Variants in CCDC74B observed in about 807,000 individuals in gnomAD.
The protein encoded by CCDC74B is coiled-coil domain containing 74B, also known as coiled-coil domain-containing protein 74B.
A neutral mutation model predicts 38.0 loss-of-function variants in CCDC74B; 34 were observed. That is an observed-to-expected ratio of 0.89 (90% CI 0.68 to 1.19). The LOEUF (loss-of-function observed/expected upper bound fraction) is 1.19, where lower values mean the gene tolerates loss of function less well. Ranked by LOEUF, CCDC74B falls within the 50% of genes most tolerant of loss-of-function variation. The probability of loss-of-function intolerance (pLI) is 0.00; values close to 1 mark genes in which losing one functional copy is unlikely to be tolerated. For synonymous variants in CCDC74B, 132 were observed against 170.4 expected, an observed-to-expected ratio of 0.77 and a Z score of 1.76; for missense variants, 358 against 406.0, an observed-to-expected ratio of 0.88 and a Z score of 1.02.
intron 5 of CCDC74B, 22 bp downstream of exon 5, chr2:130,140,157 C>T: frequency 6.2e-7 from 1 of 1,611,824 alleles, no homozygotes; most frequent in African/African-American, 1.3e-5. Context: ...CCCAGGGCCA[C>T]CCCCACCACC....
chr2:130,144,573 T>C lies in CCDC74B; in HGVS notation c.250+174A>G, dbSNP rs567631696. ...CGGCACTGCCCGGGGGCCACGCGGG[T>C]CTCCCTCTGGGAGGAGGGGACAGCT... is the stretch of plus-strand genomic sequence containing the variant. On this transcript the variant is annotated intron_variant, in intron 1 of 7. Coordinates refer to ENST00000409943, the MANE Select transcript of CCDC74B (RefSeq NM_001258307.2). The C allele has an allele frequency of 1.4e-4, 213 of 1,550,076 alleles. 1 individual carries two copies. In the South Asian group the frequency reaches 2.4e-3, roughly 18 times the overall value.
intron 1 of CCDC74B, chr2:130,144,438 C>A (rs1053139586): frequency 1.2e-5 from 15 of 1,300,250 alleles, no homozygotes; most frequent in Non-Finnish European, 1.6e-5. Flanking sequence ...CGCGCCCGGG[C>A]CCCTCTATAA....
At chr2:130,144,682 C>T (rs764682063) in intron 1 of CCDC74B, 65 bp downstream of exon 1, 8 of 1,586,074 alleles carry the variant, frequency 5.0e-6, no homozygotes, top group South Asian at 4.5e-5. Flanking sequence ...TTCTGTGCTG[C>T]GGGAGCGGCA....
At position 130,144,975 on chromosome 2, in the gene CCDC74B, C is replaced by G; in HGVS notation, c.22G>C (p.Ala8Pro). Reference sequence around the variant, plus strand: ...GGCGAGCTGGGGGGCCGCGTCCCAGCCGCCACCCCCGCACCGCTCATATCG... The same window carrying G: ...GGCGAGCTGGGGGGCCGCGTCCCAGGCGCCACCCCCGCACCGCTCATATCG... Reference protein sequence around the residue: MSGAGVAAGTRPPSSPTP... With the variant: MSGAGVAPGTRPPSSPTP... The change falls in exon 1 of 8, where the codon GCT becomes CCT. Residue 8 changes from alanine to proline, a missense_variant. Coordinates refer to ENST00000409943, the MANE Select transcript of CCDC74B (RefSeq NM_001258307.2). 6.8e-7 allele frequency: 1 copy of G among 1,472,726 alleles called. No individual in the cohort carries two copies. The allele number at this position is 1,472,726 out of a possible 1,614,324, so 91.2% of individuals were successfully genotyped here.
intron 2 of CCDC74B, 22 bp downstream of exon 2, chr2:130,143,247 A>T (rs757097202): frequency 1.2e-6 from 2 of 1,611,080 alleles, no homozygotes; most frequent in Non-Finnish European, 1.7e-6. Flanking sequence ...TCCCATCAGG[A>T]ACTGAAGGGC....
At chr2:130,141,964 C>T in intron 3 of CCDC74B, 169 bp downstream of exon 3, 2 of 748,724 alleles carry the variant, frequency 2.7e-6, no homozygotes, top group South Asian at 1.8e-5. Context: ...CCCCTTAATC[C>T]CCTCCCGGTG....
At chr2:130,139,990 C>T (rs763580990) in intron 6 of CCDC74B, 33 bp downstream of exon 6, 2 of 1,600,676 alleles carry the variant, frequency 1.2e-6, no homozygotes, top group Admixed American at 3.4e-5. Flanking sequence ...GATAGGCCCC[C>T]AGGGATGGGG....
intron 1 of CCDC74B, among the ~76,000 whole-genome samples, chr2:130,144,053 T>G (rs1433119877): frequency 2.6e-5 from 4 of 151,922 alleles, no homozygotes. Flanking sequence ...GAATGCCTGC[T>G]CCTGATCCGA....
Position 130,139,416 on chromosome 2 carries a change from A to G in CCDC74B, c.*139T>C. On this transcript the variant is annotated 3_prime_UTR_variant, in exon 8 of 8. Coordinates refer to ENST00000409943, the MANE Select transcript of CCDC74B (RefSeq NM_001258307.2). ...TAAACAGTTTGTCAGTTTGGAGATC[A>G]AGTACTTTATCTATCTTGAGTGTTA... 2 of 1,103,954 alleles carry G rather than the reference A, an allele frequency of 1.8e-6. No homozygotes were observed. The highest frequency in any genetic ancestry group is 2.5e-6 in the Non-Finnish European group (2 of 785,466). The allele number at this position is 1,103,954 out of a possible 1,614,324, so 68.4% of individuals were successfully genotyped here.
chr2:130,142,696 G>A, intron 2 of CCDC74B: 1 of 1,545,610 alleles, frequency 6.5e-7, no homozygotes, highest in Non-Finnish European at 8.7e-7. Flanking sequence ...CGGGAAGTGA[G>A]CTCGAGACCA....
intron 1 of CCDC74B, among the ~76,000 whole-genome samples, chr2:130,143,555 A>G (rs1274245615): frequency 2.6e-5 from 4 of 152,134 alleles, no homozygotes; most frequent in African/African-American, 4.8e-5. Flanking sequence ...TCCATCTGAG[A>G]TGACTGGAGG....
intron 1 of CCDC74B, chr2:130,144,226 G>A (rs561988381): frequency 4.6e-5 from 17 of 367,702 alleles, no homozygotes; most frequent in South Asian, 3.1e-4. Flanking sequence ...TGCAAGCTCC[G>A]CCTCCCGGGT....
At chr2:130,143,028 C>T (rs967308907) in intron 2 of CCDC74B, 25 of 1,492,964 alleles carry the variant, frequency 1.7e-5, no homozygotes, top group African/African-American at 4.2e-5. Flanking sequence ...ACCCTGTGCC[C>T]ACCTCCCCAC....
Position 130,139,884 on chromosome 2 carries a change from G to A in CCDC74B, c.809+7C>T. The A allele has an allele frequency of 6.2e-7, 1 of 1,610,774 alleles. No homozygotes were observed. Among genetic ancestry groups the A allele is most frequent in the African/African-American group, 1.3e-5 (1 of 75,002 alleles). ...TGCCCCACTGTCCCCATGCCTGTGG[G>A]ACTTACCATTTCTTGGAGAGGCTCT... On this transcript the variant is annotated splice_region_variant and intron_variant, in intron 7 of 7. Coordinates refer to ENST00000409943, the MANE Select transcript of CCDC74B (RefSeq NM_001258307.2).
At chr2:130,144,247 C>T in intron 1 of CCDC74B, 1 of 383,392 alleles carries the variant, frequency 2.6e-6, no homozygotes, top group South Asian at 2.0e-5. Context: ...TCACGCCATT[C>T]TCCTGCCTCA....
At position 130,140,003 on chromosome 2, in the gene CCDC74B, G is replaced by A. The variant is rs1186310340; in HGVS notation, c.752+20C>T. 6.2e-7 allele frequency: 1 copy of A among 1,602,462 alleles called. No individual in the cohort carries two copies. The highest frequency in any genetic ancestry group is 1.1e-5 in the South Asian group (1 of 89,256). On this transcript the variant is annotated intron_variant, in intron 6 of 7. Coordinates refer to ENST00000409943, the MANE Select transcript of CCDC74B (RefSeq NM_001258307.2). The stretch of plus-strand genomic sequence containing the variant: ...TGGATAGGCCCCCAGGGATGGGGCA[G>A]GGGTGCACCAGGCACTCACCTGGGA...
intron 1 of CCDC74B, 76 bp from the exon 2 acceptor site, chr2:130,143,389 C>T: frequency 1.3e-6 from 2 of 1,586,988 alleles, no homozygotes; most frequent in Non-Finnish European, 1.7e-6. Flanking sequence ...GGCCTGTCCT[C>T]TCCTGGCTGC....
chr2:130,140,088 G>A lies in CCDC74B; in HGVS notation c.687C>T (p.His229=). The change falls in exon 6 of 8, where the codon CAC becomes CAT. Residue 229 remains histidine (H), a synonymous_variant. Coordinates refer to ENST00000409943, the MANE Select transcript of CCDC74B (RefSeq NM_001258307.2). ...TNLLQTQELQ[H]LKSLLEGSQR... is the part of the protein sequence containing the mutation. ...GGCTCCCTTCCAGGAGGGACTTGAGGTGCTGCAGCTGAAAGGCAGGGGCAG... is the reference window on the plus strand; with the variant it reads ...GGCTCCCTTCCAGGAGGGACTTGAGATGCTGCAGCTGAAAGGCAGGGGCAG... 2.5e-6 allele frequency: 4 copies of A among 1,613,026 alleles called. No individual in the cohort carries two copies. Among genetic ancestry groups the A allele is most frequent in the Non-Finnish European group, 3.4e-6 (4 of 1,179,794 alleles).
Position 130,139,592 on chromosome 2 carries a change from G to C in CCDC74B, c.908C>G (p.Ala303Gly). 6.2e-7 allele frequency: 1 copy of C among 1,613,366 alleles called. No individual in the cohort carries two copies. The highest frequency in any genetic ancestry group is 1.3e-5 in the African/African-American group (1 of 75,068). The part of the protein sequence containing the change: ...NFAERQKRLQ[A>G]MQKRRLHRSV... ...GCGATGCAGGCGCCGTTTCTGCATT[G>C]CCTGCAGCCTCTTCTGCCTCTCGGC... The change falls in exon 8 of 8, where the codon GCA becomes GGA. Residue 303 changes from alanine (A) to glycine (G), a missense_variant. Transcript: ENST00000409943.
Sources: allele counts gnomAD v4.1 joint callset (sites outside exome capture counted in the v4.1 genomes callset), GRCh38; gene constraint gnomAD v4.1.1; transcripts MANE v1.5; gene names NCBI Gene and HGNC (gene_info 2026-07-23, HGNC 2026-07-21).